ABCD2: variants seen among roughly 807,000 people sequenced by gnomAD.
ABCD2 encodes ATP-binding cassette sub-family D member 2.
In ABCD2, 36 loss-of-function variants were observed where a neutral mutation model predicts 70.9. That is an observed-to-expected ratio of 0.51 (90% CI 0.39 to 0.67). ABCD2 has a LOEUF of 0.67. Ranked by LOEUF, ABCD2 falls within the 30% of genes least tolerant of loss-of-function variation. The probability of loss-of-function intolerance (pLI) is 0.00; values close to 1 mark genes in which losing one functional copy is unlikely to be tolerated. For missense variants in ABCD2, 729 were observed against 890.2 expected (o/e 0.82, Z 2.30); for synonymous variants, 304 against 306.9 (o/e 0.99, Z 0.10).
chr12:39,540,278 T>A, the ABCD2 span, among the ~76,000 whole-genome samples: 81 of 152,338 alleles, frequency 5.3e-4, no homozygotes, highest in African/African-American at 1.8e-3. Context: ...CTGATTTTTC[T>A]TATCTTGCCC....
chr12:39,556,822 A>G (rs1475135544), intron 9 of ABCD2, among the ~76,000 whole-genome samples: 3 of 151,890 alleles, frequency 2.0e-5, no homozygotes, highest in Non-Finnish European at 4.4e-5. Context: ...CCATCTCCAC[A>G]AAAATACAAA....
At position 39,553,625 on chromosome 12, in the gene ABCD2, A is replaced by C. The variant is rs1248435683; in HGVS notation, c.*287T>G. 6.0e-6 allele frequency: 2 copies of C among 334,298 alleles called. No homozygotes were observed. Among genetic ancestry groups the C allele is most frequent in the Admixed American group, 9.1e-5 (2 of 22,028 alleles). The allele number at this position is 334,298 out of a possible 1,614,324, so 20.7% of individuals were successfully genotyped here. A position where few individuals can be genotyped will look rare whatever the true frequency, so the allele number is the denominator to read the frequency against. On this transcript the variant is annotated 3_prime_UTR_variant, in exon 10 of 10. Transcript: ENST00000308666. ...AGAACTTCAGACACACCACATATACATAGTAAATCTGGTATTCATCATGAA... is the reference window on the plus strand; with the variant it reads ...AGAACTTCAGACACACCACATATACCTAGTAAATCTGGTATTCATCATGAA...
At chr12:39,535,627 C>CT in the ABCD2 span, among the ~76,000 whole-genome samples, 5 of 151,914 alleles carry the variant, frequency 3.3e-5, no homozygotes, top group Admixed American at 2.0e-4. Flanking sequence ...ATTTTTTTTG[C>CT]TTTAACATTC....
intron 2 of ABCD2, among the ~76,000 whole-genome samples, chr12:39,612,025 G>C (rs1942051622): frequency 1.3e-5 from 2 of 152,078 alleles, no homozygotes; most frequent in Non-Finnish European, 2.9e-5. Context: ...GAAATGCAAA[G>C]TAAGACCACA....
chr12:39,587,735 A>G (rs956382203), intron 6 of ABCD2, among the ~76,000 whole-genome samples: 1 of 152,194 alleles, frequency 6.6e-6, no homozygotes, highest in Admixed American at 6.5e-5. Context: ...AAGTGTTACT[A>G]TTCAATAAAT....
intron 6 of ABCD2, among the ~76,000 whole-genome samples, chr12:39,596,548 T>C (rs947258218): frequency 6.6e-6 from 1 of 152,210 alleles, no homozygotes; most frequent in African/African-American, 2.4e-5. Flanking sequence ...ATATAATCCT[T>C]CTTTCACTTT....
At chr12:39,544,386 A>G in the ABCD2 span, among the ~76,000 whole-genome samples, 15,433 of 152,192 alleles carry the variant, frequency 0.1, 799 homozygotes, top group East Asian at 0.16. Context: ...CGTAAACCAT[A>G]ATTTCTAATC....
At chr12:39,560,065 G>T (rs1941231883) in intron 9 of ABCD2, among the ~76,000 whole-genome samples, 1 of 152,074 alleles carries the variant, frequency 6.6e-6, no homozygotes, top group South Asian at 2.1e-4. Context: ...CAATGTGCAG[G>T]TTTGTTACAT....
chr12:39,607,219 TC>T (rs1181475007), intron 3 of ABCD2, among the ~76,000 whole-genome samples: 1 of 152,168 alleles, frequency 6.6e-6, no homozygotes, highest in African/African-American at 2.4e-5. Flanking sequence ...TGTTATCATA[TC>T]CCCATTTTAT....
At position 39,554,694 on chromosome 12, in the gene ABCD2, T is replaced by G. The variant is rs753352594; in HGVS notation, c.2004-563A>C. On this transcript the variant is annotated intron_variant, in intron 9 of 9. Transcript: ENST00000308666. ...CACATTTTTATATGATTTAATCTCTTTCTTATGGCTCAGTTTCATAATTAG... is the reference window on the plus strand; with the variant it reads ...CACATTTTTATATGATTTAATCTCTGTCTTATGGCTCAGTTTCATAATTAG... Among the ~76,000 whole-genome samples the G allele has an allele frequency of 4.6e-5, 7 of 152,330 alleles. No homozygotes were observed. In the South Asian group the frequency reaches 1.4e-3, roughly 32 times the overall value.
chr12:39,580,905 G>A (rs917515175), intron 7 of ABCD2, among the ~76,000 whole-genome samples: 1 of 152,164 alleles, frequency 6.6e-6, no homozygotes, highest in Non-Finnish European at 1.5e-5. Flanking sequence ...TATGTGTACT[G>A]TGTATCTGAA....
chr12:39,590,073 T>C (rs1201932267), intron 6 of ABCD2, among the ~76,000 whole-genome samples: 1 of 152,190 alleles, frequency 6.6e-6, no homozygotes, highest in Non-Finnish European at 1.5e-5. Flanking sequence ...GAGGACCCTA[T>C]AGCCAATGTT....
the ABCD2 span, among the ~76,000 whole-genome samples, chr12:39,542,289 C>T: frequency 6.6e-6 from 1 of 151,970 alleles, no homozygotes; most frequent in Admixed American, 6.6e-5. Flanking sequence ...TGGGGAAACC[C>T]TATCTCTACT....
chr12:39,532,512 T>C, the ABCD2 span, among the ~76,000 whole-genome samples: 1 of 152,186 alleles, frequency 6.6e-6, no homozygotes, highest in Admixed American at 6.5e-5. Flanking sequence ...TGCATTACTG[T>C]AGGAAATGCT....
intron 9 of ABCD2, among the ~76,000 whole-genome samples, chr12:39,563,002 G>T (rs1281160580): frequency 6.6e-6 from 1 of 152,108 alleles, no homozygotes; most frequent in Non-Finnish European, 1.5e-5. Flanking sequence ...TGCAAGAAAG[G>T]TTGAACATAT....
chr12:39,570,030 G>A (rs1040618754), intron 9 of ABCD2, among the ~76,000 whole-genome samples: 28 of 152,120 alleles, frequency 1.8e-4, no homozygotes, highest in African/African-American at 6.5e-4. Flanking sequence ...TAAGCAAGGA[G>A]GTGTAAGGTC....
chr12:39,569,148 C>T (rs572024314), intron 9 of ABCD2, among the ~76,000 whole-genome samples: 2 of 152,354 alleles, frequency 1.3e-5, no homozygotes, highest in Admixed American at 1.3e-4. Context: ...CTGCTCTCTT[C>T]AAAGTTGTCA....
At chr12:39,564,929 C>G (rs1941320615) in intron 9 of ABCD2, among the ~76,000 whole-genome samples, 1 of 152,152 alleles carries the variant, frequency 6.6e-6, no homozygotes, top group Non-Finnish European at 1.5e-5. Flanking sequence ...TGTCAAAGAT[C>G]AGATGGTTGT....
At chr12:39,571,002 A>G (rs192419205) in intron 9 of ABCD2, among the ~76,000 whole-genome samples, 4 of 151,754 alleles carry the variant, frequency 2.6e-5, no homozygotes, top group African/African-American at 9.7e-5. Context: ...AAAATGCTCA[A>G]CAACACTAAT....
Sources: gnomAD v4.1 joint callset for allele counts (sites outside exome capture counted in the v4.1 genomes callset) on GRCh38, gnomAD v4.1.1 for gene constraint, MANE v1.5 for transcripts, NCBI Gene and HGNC (gene_info 2026-07-23, HGNC 2026-07-21) for gene names.